Variants in HMGA2 observed in about 807,000 individuals in gnomAD.
HMGA2 encodes high mobility group AT-hook 2, also known as high mobility group protein HMGI-C.
HMGA2 carries 8 observed loss-of-function variants against 19.1 expected under a neutral mutation model. That is an observed-to-expected ratio of 0.42 (90% CI 0.25 to 0.76). The LOEUF (loss-of-function observed/expected upper bound fraction) is 0.76. HMGA2 is among the 30% of genes least tolerant of loss of function. The pLI, the probability that HMGA2 is intolerant of heterozygous loss-of-function variation, is 0.28. For synonymous variants in HMGA2, 60 were observed against 48.8 expected (o/e 1.23, Z -0.96); for missense variants, 109 against 136.3 (o/e 0.80, Z 1.00).
chr12:65,838,397 A>C (rs1004430178), intron 2 of HMGA2, 122 bp from the exon 3 acceptor site: 382 of 755,752 alleles, frequency 5.1e-4, no homozygotes, highest in African/African-American at 1.8e-3. Flanking sequence ...AAAAAACAAA[A>C]AAAAAAAAAC....
chr12:65,928,182 C>G (rs1875581930), intron 3 of HMGA2, among the ~76,000 whole-genome samples: 1 of 152,132 alleles, frequency 6.6e-6, no homozygotes, highest in African/African-American at 2.4e-5. Context: ...AGCTACAAAC[C>G]TGTACAGCAT....
rs75218846 is a variant in HMGA2, at chr12:65,915,008, C to G, written c.250-36375C>G. ...GTCTATTAGTGTTCCATCACTAGAT[C>G]TCTTCTGAGGTATTCATGCCATATG... On this transcript the variant is annotated intron_variant, in intron 3 of 4. Transcript: ENST00000403681. 2.5e-6 allele frequency: 4 copies of G among 1,609,898 alleles called. No individual in the cohort carries two copies. The South Asian group carries it at 4.4e-5, about 18-fold the overall frequency.
At chr12:65,908,221 C>A (rs772561373) in intron 3 of HMGA2, among the ~76,000 whole-genome samples, 9 of 152,134 alleles carry the variant, frequency 5.9e-5, no homozygotes, top group Non-Finnish European at 1.2e-4. Context: ...GTCAAACAGC[C>A]ATTACATGCG....
chr12:65,849,840 T>C (rs189820819), intron 3 of HMGA2, among the ~76,000 whole-genome samples: 3 of 145,776 alleles, frequency 2.1e-5, no homozygotes, highest in South Asian at 4.5e-4. Flanking sequence ...AGCCACAGCC[T>C]CTCGAGTAGC....
In HMGA2 at chr12:65,963,325, C is replaced by A; in HGVS notation, c.*33C>A. 6.3e-7 allele frequency: 1 copy of A among 1,589,112 alleles called. No individual in the cohort carries two copies. The highest frequency in any genetic ancestry group is 8.6e-7 in the Non-Finnish European group (1 of 1,163,472). ...CAACGTTCGATTTCTACCTCAGCAG[C>A]AGTTGGATCTTTTGAAGGGAGAAGA... On this transcript the variant is annotated 3_prime_UTR_variant, in exon 5 of 5. Coordinates refer to ENST00000403681, the MANE Select transcript of HMGA2 (RefSeq NM_003483.6).
intron 3 of HMGA2, among the ~76,000 whole-genome samples, chr12:65,848,824 CCG>C (rs1421701653): frequency 2.0e-5 from 3 of 152,094 alleles, no homozygotes; most frequent in South Asian, 2.1e-4. Context: ...CCACTGCAGT[CCG>C]CAGTCCGACC....
At chr12:65,845,600 C>T (rs1020236487) in intron 3 of HMGA2, among the ~76,000 whole-genome samples, 1 of 152,082 alleles carries the variant, frequency 6.6e-6, no homozygotes, top group African/African-American at 2.4e-5. Flanking sequence ...CAAGGAATTC[C>T]TGATTCTAAA....
intron 3 of HMGA2, among the ~76,000 whole-genome samples, chr12:65,904,932 C>T (rs966863481): frequency 6.6e-6 from 1 of 151,966 alleles, no homozygotes; most frequent in Admixed American, 6.6e-5. Context: ...ATCCCAGCTA[C>T]TTGGGAGGCT....
At chr12:65,950,522 A>T (rs1183506074) in intron 3 of HMGA2, among the ~76,000 whole-genome samples, 2 of 152,216 alleles carry the variant, frequency 1.3e-5, no homozygotes, top group Non-Finnish European at 2.9e-5. Context: ...GACAGAAAGT[A>T]GATTCATGGT....
At chr12:65,852,914 G>A (rs767831068) in intron 3 of HMGA2, among the ~76,000 whole-genome samples, 2 of 152,158 alleles carry the variant, frequency 1.3e-5, no homozygotes, top group Admixed American at 1.3e-4. Context: ...TTTAGAATTC[G>A]TCTCTTAAGA....
chr12:65,921,509 A>G (rs1875309514), intron 3 of HMGA2, among the ~76,000 whole-genome samples: 1 of 152,178 alleles, frequency 6.6e-6, no homozygotes, highest in Non-Finnish European at 1.5e-5. Context: ...GGCCTCCCAA[A>G]GTGCTGGGAT....
At chr12:65,898,023 G>A (rs1313102174) in intron 3 of HMGA2, among the ~76,000 whole-genome samples, 1 of 151,108 alleles carries the variant, frequency 6.6e-6, no homozygotes, top group African/African-American at 2.4e-5. Flanking sequence ...CAGTGCCCTC[G>A]TGTTTCCACC....
chr12:65,835,748 C>G (rs1870689176), intron 2 of HMGA2, among the ~76,000 whole-genome samples: 1 of 152,172 alleles, frequency 6.6e-6, no homozygotes, highest in Non-Finnish European at 1.5e-5. Context: ...ACACCCAGAT[C>G]ACATCATGGC....
chr12:65,953,920 T>C (rs967286770), intron 4 of HMGA2: 35 of 152,236 alleles, frequency 2.3e-4, no homozygotes, highest in African/African-American at 8.0e-4. Flanking sequence ...GCAATCTGGA[T>C]TAACTCAGCC....
intron 3 of HMGA2, among the ~76,000 whole-genome samples, chr12:65,843,690 ACACACACAAG>A (rs1321364998): frequency 6.6e-6 from 1 of 151,728 alleles, no homozygotes; most frequent in Non-Finnish European, 1.5e-5. Context: ...ACACACACAC[ACACACACAAG>A]CACACACACA....
intron 3 of HMGA2, among the ~76,000 whole-genome samples, chr12:65,851,072 T>TC (rs1158218799): frequency 1.3e-5 from 2 of 152,228 alleles, no homozygotes; most frequent in African/African-American, 4.8e-5. Flanking sequence ...TCTTAACATA[T>TC]CTGCATTTGA....
chr12:65,941,199 A>T (rs1469668938), intron 3 of HMGA2, among the ~76,000 whole-genome samples: 1 of 152,218 alleles, frequency 6.6e-6, no homozygotes, highest in East Asian at 1.9e-4. Context: ...TAGATTCGGA[A>T]GACAAGACGA....
Position 65,824,735 on chromosome 12 carries a change from C to CTCTG in HMGA2, c.-533_-532insGTCT, listed in dbSNP as rs1555179153. The CTCTG allele has an allele frequency of 1.4e-5, 3 of 215,450 alleles. No homozygotes were observed. The highest frequency in any genetic ancestry group is 5.5e-5 in the African/African-American group (2 of 36,058). The allele number at this position is 215,450 out of a possible 1,614,324, so 13.3% of individuals were successfully genotyped here. A position where few individuals can be genotyped will look rare whatever the true frequency, so the allele number is the denominator to read the frequency against. On this transcript the variant is annotated 5_prime_UTR_variant, in exon 1 of 5. Coordinates refer to ENST00000403681, the MANE Select transcript of HMGA2 (RefSeq NM_003483.6). ...CTCTTCTCTCTCTCTCTCTCTCTCTCTCTCTCTCTCTCTCTCTCTCTCTCT... is the reference window on the plus strand; with the variant it reads ...CTCTTCTCTCTCTCTCTCTCTCTCTCTCTGTCTCTCTCTCTCTCTCTCTCTCTCT...
At chr12:65,844,706 G>T (rs1871160827) in intron 3 of HMGA2, among the ~76,000 whole-genome samples, 1 of 152,160 alleles carries the variant, frequency 6.6e-6, no homozygotes, top group Non-Finnish European at 1.5e-5. Flanking sequence ...ATCCAGTTTA[G>T]CATGGCCAAC....
Sources: allele counts gnomAD v4.1 joint callset (sites outside exome capture counted in the v4.1 genomes callset), GRCh38; gene constraint gnomAD v4.1.1; transcripts MANE v1.5; gene names NCBI Gene and HGNC (gene_info 2026-07-23, HGNC 2026-07-21).